Variants in AKAP8L observed in about 807,000 individuals in gnomAD.
The protein encoded by AKAP8L is A-kinase anchor protein 8-like.
In AKAP8L, 34 loss-of-function variants were observed where a neutral mutation model predicts 77.5. The ratio of observed to expected loss-of-function variants is 0.44; its 90% CI spans 0.33 to 0.58. AKAP8L has a LOEUF of 0.58. Ranked by LOEUF, AKAP8L falls within the 20% of genes least tolerant of loss-of-function variation. AKAP8L has a pLI of 0.02. For synonymous variants in AKAP8L, 342 were observed against 340.7 expected (o/e 1.00, Z -0.04); for missense variants, 806 against 887.6 (o/e 0.91, Z 1.17).
In AKAP8L at chr19:15,380,415, T is replaced by C. The variant is rs780925811; in HGVS notation, c.1648A>G (p.Thr550Ala). ...TCCTTCTCCTCCTCGGGGCTGTCGG[T>C]GAAAGGGTTCTCGCCCTGTGGGGAG... ...ERYLKGENPFTDSPEEEKEQE... is the reference protein window; with the variant it reads ...ERYLKGENPFADSPEEEKEQE... The change falls in exon 14 of 14, where the codon ACC becomes GCC. Residue 550 changes from threonine (T) to alanine (A), a missense_variant. Physicochemically the swap from Thr to Ala is moderately conservative, Grantham distance 58 (BLOSUM62 0). Coordinates refer to ENST00000397410, the MANE Select transcript of AKAP8L (RefSeq NM_014371.4). The C allele has an allele frequency of 6.2e-7, 1 of 1,600,508 alleles. No homozygotes were observed. The highest frequency in any genetic ancestry group is 8.5e-7 in the Non-Finnish European group (1 of 1,174,804).
chr19:15,392,896 C>CAA (rs60766880), intron 12 of AKAP8L, among the ~76,000 whole-genome samples: 1 of 43,136 alleles, frequency 2.3e-5, no homozygotes, highest in East Asian at 8.5e-4. Context: ...AACTCTGTCT[C>CAA]AAAAAAAAAA....
In AKAP8L at chr19:15,380,556, G is replaced by T; in HGVS notation, c.1593C>A (p.Asn531Lys). 6.2e-7 allele frequency: 1 copy of T among 1,613,964 alleles called. No individual in the cohort carries two copies. Among genetic ancestry groups the T allele is most frequent in the African/African-American group, 1.3e-5 (1 of 75,066 alleles). The change falls in exon 13 of 14, where the codon AAC becomes AAA. Residue 531 changes from asparagine (N) to lysine (K), a missense_variant. Physicochemically the swap from Asn to Lys is moderately conservative, Grantham distance 94 (BLOSUM62 0). Coordinates refer to ENST00000397410, the MANE Select transcript of AKAP8L (RefSeq NM_014371.4). ...CCAGCTTCTTGCTGATGAGCTTGTT[G>T]TTGAGAATACTGCGGGCCACCATGA... ...SSLMVARSIL[N>K]NKLISKKLER...
At chr19:15,391,922 A>G (rs1967671532) in intron 12 of AKAP8L, among the ~76,000 whole-genome samples, 2 of 150,960 alleles carry the variant, frequency 1.3e-5, no homozygotes, top group Middle Eastern at 3.5e-3. Flanking sequence ...TGCAACCTCA[A>G]CCTCATAGGC....
At position 15,384,956 on chromosome 19, in the gene AKAP8L, C is replaced by T. The variant is rs181234510; in HGVS notation, c.1537-4344G>A. ...CGCGATATCAGCTCACTGCGAGCTC[C>T]GCCTCCCAGGTTCATGCCATTCTCT... On this transcript the variant is annotated intron_variant, in intron 12 of 13. Coordinates refer to ENST00000397410, the MANE Select transcript of AKAP8L (RefSeq NM_014371.4). Among the ~76,000 whole-genome samples, 9 of 151,194 alleles carry T rather than the reference C, an allele frequency of 6.0e-5. No homozygotes were observed. In the East Asian group the frequency reaches 1.2e-3, roughly 20 times the overall value.
At chr19:15,407,127 ATGCC>A in intron 2 of AKAP8L, among the ~76,000 whole-genome samples, 1 of 152,268 alleles carries the variant, frequency 6.6e-6, no homozygotes, top group East Asian at 1.9e-4. Flanking sequence ...ATGGTAGGGC[ATGCC>A]TGTAGTCCCA....
intron 12 of AKAP8L, among the ~76,000 whole-genome samples, chr19:15,394,565 AC>A (rs1223801528): frequency 6.6e-6 from 1 of 151,808 alleles, no homozygotes. Flanking sequence ...TTTTTTAGAG[AC>A]AGGGTCTTGC....
At position 15,418,918 on chromosome 19, in the gene AKAP8L, G is replaced by C. The variant is rs1442519975; in HGVS notation, c.6C>G (p.Ser2Arg). The C allele has an allele frequency of 6.2e-7, 1 of 1,604,448 alleles. No homozygotes were observed. Among genetic ancestry groups the C allele is most frequent in the South Asian group, 1.1e-5 (1 of 91,002 alleles). Residue 2 changes from serine to arginine, a missense_variant, in exon 1 of 14, where the codon AGC becomes AGG. Transcript: ENST00000397410. Reference protein sequence around the residue: MSYTGFVQGSET... With the variant: MRYTGFVQGSET... ...CCACCCTGCCAGGCCCACCTGTGTA[G>C]CTCATGGTGGCGGGCAACACAACAT...
At chr19:15,410,959 C>T (rs998809850) in intron 1 of AKAP8L, among the ~76,000 whole-genome samples, 3 of 152,112 alleles carry the variant, frequency 2.0e-5, no homozygotes, top group Non-Finnish European at 2.9e-5. Context: ...ACTATACGTT[C>T]GTGCCATCAT....
Position 15,397,703 on chromosome 19 carries a change from C to T in AKAP8L, c.1299+11G>A, listed in dbSNP as rs750628449. ...AGAAACTAAGAGCGGCTGTGTTACT[C>T]CAAGGCTCACCTGCAGAAAGTCAGC... On this transcript the variant is annotated intron_variant, in intron 10 of 13. Coordinates refer to ENST00000397410, the MANE Select transcript of AKAP8L (RefSeq NM_014371.4). This position sits in a 1 kb window ranked among gnomAD's most constrained non-coding sequence, Gnocchi z 4.7. The T allele has an allele frequency of 6.2e-7, 1 of 1,613,984 alleles. No individual in the cohort carries two copies. The highest frequency in any genetic ancestry group is 8.5e-7 in the Non-Finnish European group (1 of 1,179,890).
At chr19:15,394,377 G>T (rs1023817005) in intron 12 of AKAP8L, among the ~76,000 whole-genome samples, 1 of 152,156 alleles carries the variant, frequency 6.6e-6, no homozygotes, top group African/African-American at 2.4e-5. Context: ...AGCAAATAGA[G>T]AGAGATAGAT....
At chr19:15,392,580 C>G (rs958317637) in intron 12 of AKAP8L, among the ~76,000 whole-genome samples, 2 of 150,596 alleles carry the variant, frequency 1.3e-5, no homozygotes, top group African/African-American at 2.4e-5. Flanking sequence ...ATAATAGTAA[C>G]AGAAAGAATA....
chr19:15,405,272 G>A lies in AKAP8L; in HGVS notation c.89-1230C>T, dbSNP rs377301166. ...CACAAGGCTGGGTGCAGTGGCTCAC[G>A]CCTGTAATCCCAGCACTTCGGGAGG... On this transcript the variant is annotated intron_variant, in intron 2 of 13. Transcript: ENST00000397410. Among the ~76,000 whole-genome samples, 7 of 152,218 alleles carry A rather than the reference G, an allele frequency of 4.6e-5. No homozygotes were observed. The East Asian group carries it at 7.7e-4, about 17-fold the overall frequency.
intron 2 of AKAP8L, among the ~76,000 whole-genome samples, chr19:15,408,764 C>T (rs565866772): frequency 2.0e-5 from 3 of 146,522 alleles, no homozygotes; most frequent in East Asian, 2.1e-4. Flanking sequence ...GGCAACTGCT[C>T]GGGAGGCTGA....
chr19:15,382,741 G>A (rs1256566662), intron 12 of AKAP8L, among the ~76,000 whole-genome samples: 1 of 152,176 alleles, frequency 6.6e-6, no homozygotes, highest in African/African-American at 2.4e-5. Context: ...GGCTGATGCA[G>A]GAGGATTGCT....
At chr19:15,390,115 A>T (rs8110268) in intron 12 of AKAP8L, among the ~76,000 whole-genome samples, 123,351 of 151,854 alleles carry the variant, frequency 0.81, 50,518 homozygotes, top group East Asian at 0.99. Flanking sequence ...TAATAATAAT[A>T]AAAAAAAACT....
chr19:15,408,575 A>AC (rs1293359443), intron 2 of AKAP8L, among the ~76,000 whole-genome samples: 4 of 135,610 alleles, frequency 2.9e-5, no homozygotes, highest in Non-Finnish European at 6.3e-5. Flanking sequence ...AAAAAAAAAA[A>AC]AAAAGAAAGA....
chr19:15,401,471 G>A lies in AKAP8L; in HGVS notation c.495C>T (p.Arg165=), dbSNP rs372081735. 2.6e-5 allele frequency: 42 copies of A among 1,613,708 alleles called. No individual in the cohort carries two copies. The highest frequency in any genetic ancestry group is 3.3e-4 in the Middle Eastern group (2 of 6,084). The change falls in exon 5 of 14, where the codon CGC becomes CGT. Residue 165 remains arginine (R), a synonymous_variant. Transcript: ENST00000397410. This position sits in a 1 kb window ranked among gnomAD's most constrained non-coding sequence, Gnocchi z 6.2. ...MAYEGQYDAY[R]DQFRMRGNDT... is the part of the protein sequence containing the mutation. ...CGTTGCCACGCATGCGGAACTGGTC[G>A]CGGTAGGCATCGTATTGGCCCTCAT... is the stretch of plus-strand genomic sequence containing the variant.
At chr19:15,405,049 T>C (rs1402131256) in intron 2 of AKAP8L, among the ~76,000 whole-genome samples, 1 of 152,186 alleles carries the variant, frequency 6.6e-6, no homozygotes, top group Non-Finnish European at 1.5e-5. Flanking sequence ...TTCTCATCCA[T>C]TTGTTTATGT....
chr19:15,391,642 C>T (rs1460847540), intron 12 of AKAP8L, among the ~76,000 whole-genome samples: 1 of 151,104 alleles, frequency 6.6e-6, no homozygotes, highest in East Asian at 2.0e-4. Flanking sequence ...GGGTTCACGC[C>T]ATTCTCCTGC....
Sources: gnomAD v4.1 joint callset for allele counts (sites outside exome capture counted in the v4.1 genomes callset) on GRCh38, gnomAD v4.1.1 for gene constraint, Gnocchi (gnomAD v3.1) non-coding constraint, MANE v1.5 for transcripts, NCBI Gene and HGNC (gene_info 2026-07-23, HGNC 2026-07-21) for gene names.